Variants in SUGCT observed in about 807,000 individuals in gnomAD.
SUGCT encodes the protein succinyl-CoA:glutarate CoA-transferase.
In SUGCT, 41 loss-of-function variants were observed where a neutral mutation model predicts 55.0. That is an observed-to-expected ratio of 0.74 (90% CI 0.58 to 0.97). SUGCT has a LOEUF of 0.97. SUGCT is among the 50% of genes least tolerant of loss of function. SUGCT has a pLI of 0.00. For synonymous variants in SUGCT, 187 were observed against 200.4 expected (o/e 0.93, Z 0.56); for missense variants, 568 against 547.8 (o/e 1.04, Z -0.37).
intron 6 of SUGCT, among the ~76,000 whole-genome samples, chr7:40,198,050 A>G (rs963942596): frequency 6.6e-6 from 1 of 152,220 alleles, no homozygotes; most frequent in Admixed American, 6.5e-5. Flanking sequence ...CAGACAAGGA[A>G]GAATGGTTCT....
chr7:40,390,107 A>G lies in SUGCT; in HGVS notation c.817-59180A>G, dbSNP rs1374821085. Among the ~76,000 whole-genome samples, 4 of 152,192 alleles carry G rather than the reference A, an allele frequency of 2.6e-5. No homozygotes were observed. In the South Asian group the frequency reaches 6.2e-4, roughly 24 times the overall value. On this transcript the variant is annotated intron_variant, in intron 9 of 13. Transcript: ENST00000335693. ...CAGCCCTTCATGCTAAAAACTCTCA[A>G]TAAAGTAGGTATTGATGGGACGTAT...
chr7:40,407,411 T>C (rs576395912), intron 9 of SUGCT, among the ~76,000 whole-genome samples: 3 of 152,166 alleles, frequency 2.0e-5, no homozygotes, highest in Non-Finnish European at 4.4e-5. Flanking sequence ...AATATTCAAT[T>C]ATTTATATAT....
At chr7:40,749,831 TAG>T (rs1229695920) in intron 13 of SUGCT, among the ~76,000 whole-genome samples, 2 of 152,178 alleles carry the variant, frequency 1.3e-5, no homozygotes, top group Non-Finnish European at 2.9e-5. Context: ...TAACAAGAAA[TAG>T]AGTGTCGTTC....
At chr7:40,998,480 C>T in the SUGCT span, among the ~76,000 whole-genome samples, 2 of 152,100 alleles carry the variant, frequency 1.3e-5, no homozygotes, top group African/African-American at 4.8e-5. Context: ...ATGTTGTAGT[C>T]CTATGGCACT....
At chr7:40,436,797 A>G (rs1034203783) in intron 9 of SUGCT, among the ~76,000 whole-genome samples, 2 of 152,180 alleles carry the variant, frequency 1.3e-5, no homozygotes, top group Non-Finnish European at 2.9e-5. Context: ...TGTAGTTTCT[A>G]TAAAGTAGTA....
the SUGCT span, among the ~76,000 whole-genome samples, chr7:40,982,655 G>A: frequency 6.6e-6 from 1 of 151,754 alleles, no homozygotes; most frequent in African/African-American, 2.4e-5. Context: ...ATCTCTTTTT[G>A]ATTTTTTTTT....
intron 9 of SUGCT, among the ~76,000 whole-genome samples, chr7:40,446,985 C>T (rs551433774): frequency 6.6e-6 from 1 of 152,236 alleles, no homozygotes; most frequent in East Asian, 1.9e-4. Context: ...ATATAATTCA[C>T]CCATTTATAG....
intron 13 of SUGCT, among the ~76,000 whole-genome samples, chr7:40,768,646 T>C (rs577845342): frequency 6.6e-6 from 1 of 152,358 alleles, no homozygotes; most frequent in Non-Finnish European, 1.5e-5. Flanking sequence ...TCAGGCTGGA[T>C]GCTTAAAAAC....
At chr7:40,833,638 T>C (rs1046071619) in intron 13 of SUGCT, among the ~76,000 whole-genome samples, 1 of 152,238 alleles carries the variant, frequency 6.6e-6, no homozygotes, top group Non-Finnish European at 1.5e-5. Flanking sequence ...TTCAGGATCT[T>C]GGCACGTGCT....
chr7:40,531,919 C>T (rs1307641198), intron 12 of SUGCT, among the ~76,000 whole-genome samples: 2 of 152,212 alleles, frequency 1.3e-5, no homozygotes, highest in Non-Finnish European at 2.9e-5. Flanking sequence ...CATGATCCGC[C>T]TGCCTCGGCC....
intron 9 of SUGCT, among the ~76,000 whole-genome samples, chr7:40,378,860 T>C (rs917571775): frequency 7.9e-5 from 12 of 152,228 alleles, no homozygotes; most frequent in African/African-American, 2.7e-4. Context: ...CGCTTTTGTA[T>C]TGAGCTGAAA....
chr7:40,434,212 G>T (rs1490607321), intron 9 of SUGCT, among the ~76,000 whole-genome samples: 1 of 152,096 alleles, frequency 6.6e-6, no homozygotes, highest in Non-Finnish European at 1.5e-5. Flanking sequence ...CCTTAATCAT[G>T]GTAGATGTGC....
chr7:40,277,030 C>T (rs1792545834), intron 8 of SUGCT, among the ~76,000 whole-genome samples: 1 of 152,070 alleles, frequency 6.6e-6, no homozygotes, highest in South Asian at 2.1e-4. Context: ...TTAGGTTTGC[C>T]AAGGAAGATG....
chr7:40,758,837 G>A (rs765188204), intron 13 of SUGCT, among the ~76,000 whole-genome samples: 1 of 152,034 alleles, frequency 6.6e-6, no homozygotes, highest in Admixed American at 6.6e-5. Flanking sequence ...AGTCAGAATG[G>A]GCTGTGTGCC....
At chr7:40,135,301 C>G (rs1010881057) in intron 1 of SUGCT, among the ~76,000 whole-genome samples, 181 bp downstream of exon 1, 6 of 152,254 alleles carry the variant, frequency 3.9e-5, no homozygotes, top group Non-Finnish European at 8.8e-5. Flanking sequence ...CTCTGGCCGC[C>G]CAGGGTCGCC....
chr7:40,502,443 T>C (rs1792337852), intron 12 of SUGCT, among the ~76,000 whole-genome samples: 1 of 152,078 alleles, frequency 6.6e-6, no homozygotes, highest in South Asian at 2.1e-4. Flanking sequence ...ATGCAAGCCA[T>C]ATTTATGATT....
At chr7:40,499,704 TG>T (rs1338583411) in intron 12 of SUGCT, among the ~76,000 whole-genome samples, 3 of 152,210 alleles carry the variant, frequency 2.0e-5, no homozygotes, top group African/African-American at 7.2e-5. Context: ...AAATTATCTG[TG>T]GAAAGCTCTG....
chr7:40,510,656 C>T (rs969202053), intron 12 of SUGCT, among the ~76,000 whole-genome samples: 4 of 151,958 alleles, frequency 2.6e-5, no homozygotes, highest in Middle Eastern at 3.2e-3. Flanking sequence ...CAACGTTAAG[C>T]GTTTTCAACA....
At chr7:40,830,621 AT>A (rs1359033733) in intron 13 of SUGCT, among the ~76,000 whole-genome samples, 2 of 152,084 alleles carry the variant, frequency 1.3e-5, no homozygotes, top group South Asian at 2.1e-4. Context: ...GCCTGCCTTG[AT>A]TATTTCTCCT....
Sources: allele counts gnomAD v4.1 joint callset (sites outside exome capture counted in the v4.1 genomes callset), GRCh38; gene constraint gnomAD v4.1.1; transcripts MANE v1.5; gene names NCBI Gene and HGNC (gene_info 2026-07-23, HGNC 2026-07-21).